Variants in NDRG3 observed in about 807,000 individuals in gnomAD.
NDRG3 encodes NDRG family member 3, also known as protein NDRG3.
NDRG3 carries 23 observed loss-of-function variants against 57.2 expected under a neutral mutation model. The observed-to-expected ratio is 0.40, with a 90% CI of 0.29 to 0.57. The LOEUF is 0.57. Ranked by LOEUF, NDRG3 falls within the 20% of genes least tolerant of loss-of-function variation. The pLI, the probability that NDRG3 is intolerant of heterozygous loss-of-function variation, is 0.42. For missense variants in NDRG3, 384 were observed against 457.3 expected, an observed-to-expected ratio of 0.84 and a Z score of 1.46; for synonymous variants, 132 against 162.6, an observed-to-expected ratio of 0.81 and a Z score of 1.43.
intron 3 of NDRG3, among the ~76,000 whole-genome samples, chr20:36,705,104 G>A (rs1300317103): frequency 6.6e-6 from 1 of 151,794 alleles, no homozygotes; most frequent in African/African-American, 2.4e-5. Flanking sequence ...TGAATCATTT[G>A]AGGTCAGGGG....
chr20:36,689,664 C>G (rs1982090927), intron 3 of NDRG3, among the ~76,000 whole-genome samples: 1 of 151,078 alleles, frequency 6.6e-6, no homozygotes, highest in African/African-American at 2.4e-5. Flanking sequence ...TTACTGGAGT[C>G]AGGGAGGCAT....
intron 1 of NDRG3, among the ~76,000 whole-genome samples, chr20:36,730,828 C>G (rs562235342): frequency 6.6e-6 from 1 of 151,172 alleles, no homozygotes; most frequent in East Asian, 1.9e-4. Flanking sequence ...ATTCCAGCTA[C>G]TTGGGAGGCT....
At chr20:36,684,299 TAGG>T (rs1981585687) in intron 6 of NDRG3, 111 bp downstream of exon 6, 1 of 824,406 alleles carries the variant, frequency 1.2e-6, no homozygotes, top group South Asian at 1.5e-5. Context: ...CACTAAGCTC[TAGG>T]AGGACAGTGA....
chr20:36,673,240 A>G (rs988895471), intron 8 of NDRG3, among the ~76,000 whole-genome samples: 1 of 152,178 alleles, frequency 6.6e-6, no homozygotes, highest in African/African-American at 2.4e-5. Flanking sequence ...AATGTGTTTT[A>G]GCTAAGAAAT....
chr20:36,664,919 G>C (rs1600859805), intron 12 of NDRG3, 127 bp downstream of exon 12: 1 of 934,442 alleles, frequency 1.1e-6, no homozygotes, highest in Non-Finnish European at 1.8e-6. Flanking sequence ...AAACTCCTGG[G>C]CTCAAGCGAT....
intron 9 of NDRG3, 127 bp from the exon 10 acceptor site, chr20:36,666,519 G>C: frequency 1.5e-6 from 1 of 670,912 alleles, no homozygotes; most frequent in East Asian, 2.7e-5. Context: ...GGCAGAGCCT[G>C]GGGACTACTG....
rs779375628 is a variant in NDRG3 at position 36,671,386 on chromosome 20, C to T, written c.543G>A (p.Leu181=). ...IDWAASKLSG[L]TTNVVDIILA... is the part of the protein sequence containing the mutation. ...AAATAATGTCCACAACATTGGTTGTCAGGCCAGAGAGCTGAAAAGATAAAA... is the reference window on the plus strand; with the variant it reads ...AAATAATGTCCACAACATTGGTTGTTAGGCCAGAGAGCTGAAAAGATAAAA... Residue 181 remains leucine (L), a synonymous_variant, in exon 9 of 16, where the codon CTG becomes CTA. Transcript: ENST00000349004. The T allele has an allele frequency of 6.2e-6, 10 of 1,613,846 alleles. No homozygotes were observed. Among genetic ancestry groups the T allele is most frequent in the Non-Finnish European group, 7.6e-6 (9 of 1,179,826 alleles).
intron 2 of NDRG3, among the ~76,000 whole-genome samples, chr20:36,711,211 G>A (rs920583665): frequency 1.8e-4 from 27 of 147,130 alleles, no homozygotes; most frequent in Admixed American, 6.8e-5. Flanking sequence ...CCCGGGAGGC[G>A]GAGCTTGCAG....
intron 1 of NDRG3, among the ~76,000 whole-genome samples, chr20:36,722,882 A>G (rs143427454): frequency 2.5e-4 from 38 of 152,326 alleles, no homozygotes; most frequent in African/African-American, 8.7e-4. Flanking sequence ...CATAAAACGC[A>G]TTACACTTTG....
rs189168303 is a variant in NDRG3 at position 36,697,645 on chromosome 20, T to A, written c.94-8861A>T. 3.3e-5 allele frequency among the ~76,000 whole-genome samples: 5 copies of A among 151,242 alleles called. No individual in the cohort carries two copies. In the East Asian group the frequency reaches 9.8e-4, roughly 30 times the overall value. On this transcript the variant is annotated intron_variant, in intron 3 of 15. Coordinates refer to ENST00000349004, the MANE Select transcript of NDRG3 (RefSeq NM_032013.4). Reference sequence around the variant, plus strand: ...ATCGCTTGCACCCGGGAGGCGGAGGTTGCAGTGGGCCAAGACCGTGCCATC... The same window carrying A: ...ATCGCTTGCACCCGGGAGGCGGAGGATGCAGTGGGCCAAGACCGTGCCATC...
chr20:36,696,473 G>A (rs551637424), intron 3 of NDRG3, among the ~76,000 whole-genome samples: 66 of 151,992 alleles, frequency 4.3e-4, no homozygotes, highest in Non-Finnish European at 8.5e-4. Context: ...GAGCCACCGC[G>A]TGTGGCCTCT....
At chr20:36,696,117 A>G (rs1982765752) in intron 3 of NDRG3, among the ~76,000 whole-genome samples, 1 of 152,000 alleles carries the variant, frequency 6.6e-6, no homozygotes, top group African/African-American at 2.4e-5. Flanking sequence ...TTTTTTTGAG[A>G]TGGAGTTTCA....
chr20:36,688,263 G>A (rs1600900725), intron 4 of NDRG3, among the ~76,000 whole-genome samples: 1 of 152,122 alleles, frequency 6.6e-6, no homozygotes, highest in Non-Finnish European at 1.5e-5. Flanking sequence ...ATCTAGAAAA[G>A]TCCACTTAAA....
chr20:36,712,081 C>T (rs1466260697), intron 2 of NDRG3, among the ~76,000 whole-genome samples: 2 of 152,072 alleles, frequency 1.3e-5, no homozygotes, highest in Non-Finnish European at 2.9e-5. Context: ...AGCCACCGCA[C>T]CTGGTTGTTT....
intron 1 of NDRG3, among the ~76,000 whole-genome samples, chr20:36,725,878 G>A (rs1371675942): frequency 1.3e-5 from 2 of 151,408 alleles, no homozygotes; most frequent in African/African-American, 4.9e-5. Context: ...TCAGAGAGAG[G>A]CCTAAGGTGC....
chr20:36,687,805 A>G (rs1981920342), intron 4 of NDRG3, among the ~76,000 whole-genome samples, 193 bp from the exon 5 acceptor site: 1 of 152,230 alleles, frequency 6.6e-6, no homozygotes, highest in Non-Finnish European at 1.5e-5. Context: ...ATTGAGATAC[A>G]TATTGAAAAC....
chr20:36,685,885 T>G (rs1247197485), intron 5 of NDRG3, among the ~76,000 whole-genome samples: 2 of 152,162 alleles, frequency 1.3e-5, no homozygotes, highest in Non-Finnish European at 2.9e-5. Flanking sequence ...TGGCACACAC[T>G]TGTAGTCCCA....
chr20:36,738,277 G>C (rs1985710318), intron 1 of NDRG3, among the ~76,000 whole-genome samples: 1 of 151,552 alleles, frequency 6.6e-6, no homozygotes, highest in African/African-American at 2.4e-5. Context: ...ACTTTCGGAG[G>C]CCAAGGCAGG....
rs776493298 is a variant in NDRG3 at position 36,654,787 on chromosome 20, A to G, written c.947-1086T>C. The G allele has an allele frequency of 8.6e-5, 67 of 779,762 alleles. No individual in the cohort carries two copies. The East Asian group carries it at 1.6e-3, about 19-fold the overall frequency. 48.3% of individuals were successfully genotyped at this position (779,762 alleles called of 1,614,324 possible). A position where few individuals can be genotyped will look rare whatever the true frequency, so the allele number is the denominator to read the frequency against. On this transcript the variant is annotated intron_variant, in intron 15 of 15. Transcript: ENST00000349004. ...GACTGGAAGGCGGGGCAGGGCCAGCACAGAGGAAGGTACCTGACTCGGTGC... is the reference window on the plus strand; with the variant it reads ...GACTGGAAGGCGGGGCAGGGCCAGCGCAGAGGAAGGTACCTGACTCGGTGC...
Sources: allele counts gnomAD v4.1 joint callset (sites outside exome capture counted in the v4.1 genomes callset), GRCh38; gene constraint gnomAD v4.1.1; transcripts MANE v1.5; gene names NCBI Gene and HGNC (gene_info 2026-07-23, HGNC 2026-07-21).